SBNO2: variants seen among roughly 807,000 people sequenced by gnomAD.
SBNO2 encodes the protein protein strawberry notch homolog 2.
A neutral mutation model predicts 146.3 loss-of-function variants in SBNO2; 89 were observed. The observed-to-expected ratio is 0.61, with a 90% CI of 0.51 to 0.73. The LOEUF is 0.73. SBNO2 is among the 30% of genes least tolerant of loss of function. SBNO2 has a pLI of 0.00. For missense variants in SBNO2, 2,092 were observed against 2,003.7 expected, an observed-to-expected ratio of 1.04 and a Z score of -0.84; for synonymous variants, 1,147 against 892.6, an observed-to-expected ratio of 1.29 and a Z score of -5.08.
Position 1,109,280 on chromosome 19 carries a change from G to A in SBNO2, c.3348+12C>T, listed in dbSNP as rs766732664. On this transcript the variant is annotated intron_variant, in intron 29 of 31. Transcript: ENST00000361757. The surrounding 1 kb of genome is among the most constrained non-coding windows in gnomAD (Gnocchi z 4.2). Reference sequence around the variant, plus strand: ...GCAACCCGAGCGAAAGCTGCGCCCGGCGGCCGCCTACCCGGTGGAACTTGC... The same window carrying A: ...GCAACCCGAGCGAAAGCTGCGCCCGACGGCCGCCTACCCGGTGGAACTTGC... 2 of 1,586,278 alleles carry A rather than the reference G, an allele frequency of 1.3e-6. No homozygotes were observed. Among genetic ancestry groups the A allele is most frequent in the South Asian group, 1.1e-5 (1 of 87,660 alleles).
At chr19:1,151,917 C>CA (rs1163224192) in intron 2 of SBNO2, among the ~76,000 whole-genome samples, 1 of 152,210 alleles carries the variant, frequency 6.6e-6, no homozygotes. Flanking sequence ...CCCACCTCGG[C>CA]CTCCCAGAGT....
rs1298598457 is a variant in SBNO2, at chr19:1,113,622, G to C, written c.2160C>G (p.Asp720Glu). 6.3e-7 allele frequency: 1 copy of C among 1,599,168 alleles called. No individual in the cohort carries two copies. Among genetic ancestry groups the C allele is most frequent in the Admixed American group, 1.7e-5 (1 of 57,702 alleles). Residue 720 changes from aspartate (D) to glutamate (E), a missense_variant, in exon 19 of 32, where the codon GAC (aspartate) becomes GAG (glutamate). Asp to Glu is a conservative substitution (Grantham distance 45). Coordinates refer to ENST00000361757, the MANE Select transcript of SBNO2 (RefSeq NM_014963.3). ...GTTCCCGGCCCAGCCGCCGCACTTT[G>C]TCCAGCAGATCCTGCTTCAGCCGCT... ...RVERLKQDLL[D>E]KVRRLGRELP...
At position 1,136,565 on chromosome 19, in the gene SBNO2, A is replaced by T. The variant is rs1159531977; in HGVS notation, c.280-8800T>A. Among the ~76,000 whole-genome samples the T allele has an allele frequency of 1.3e-5, 2 of 152,198 alleles. No homozygotes were observed. Among genetic ancestry groups the T allele is most frequent in the Non-Finnish European group, 2.9e-5 (2 of 68,030 alleles). The stretch of plus-strand genomic sequence containing the variant: ...GGCCTCAGCACAGACCAGGGGACAG[A>T]AGGTGGCTCTTCTTGGCCTTGGCTG... On this transcript the variant is annotated intron_variant, in intron 4 of 31. Transcript: ENST00000361757. This position sits in a 1 kb window ranked among gnomAD's most constrained non-coding sequence, Gnocchi z 4.2.
At chr19:1,153,237 A>C (rs527998341) in intron 2 of SBNO2, among the ~76,000 whole-genome samples, 1 of 150,038 alleles carries the variant, frequency 6.7e-6, no homozygotes, top group East Asian at 2.1e-4. Flanking sequence ...TTAATTTAAA[A>C]ATTTTTTTTT....
intron 4 of SBNO2, among the ~76,000 whole-genome samples, chr19:1,134,665 A>G (rs1482614742): frequency 6.6e-6 from 1 of 152,172 alleles, no homozygotes; most frequent in Admixed American, 6.6e-5. Flanking sequence ...GTGACAGCTG[A>G]TGGGAACGGG....
rs2079841202 is a variant in SBNO2 at position 1,117,057 on chromosome 19, A to AC, written c.1705-132dup. 1.0e-5 allele frequency: 9 copies of AC among 891,636 alleles called. No individual in the cohort carries two copies. In the East Asian group the frequency reaches 2.4e-4, roughly 24 times the overall value. 55.2% of individuals were successfully genotyped at this position (891,636 alleles called of 1,614,324 possible). A position where few individuals can be genotyped will look rare whatever the true frequency, so the allele number is the denominator to read the frequency against. ...TGTGCTCGCCTCCCCAGGAGGGGCC[A>AC]CGGCCCCCCTACAACACACACTGCT... is the stretch of plus-strand genomic sequence containing the variant. On this transcript the variant is annotated intron_variant, in intron 15 of 31. Coordinates refer to ENST00000361757, the MANE Select transcript of SBNO2 (RefSeq NM_014963.3).
chr19:1,161,340 A>G (rs1470664685), intron 1 of SBNO2, among the ~76,000 whole-genome samples: 1 of 33,964 alleles, frequency 2.9e-5, no homozygotes, highest in Non-Finnish European at 5.3e-5. Flanking sequence ...GGGGTGCCTG[A>G]GTACTGGGTA....
Position 1,123,037 on chromosome 19 carries a change from C to T in SBNO2, c.637G>A (p.Gly213Arg), listed in dbSNP as rs868515455. The T allele has an allele frequency of 1.9e-6, 3 of 1,592,162 alleles. No homozygotes were observed. The highest frequency in any genetic ancestry group is 1.8e-5 in the Admixed American group (1 of 56,646). Residue 213 changes from glycine to arginine, a missense_variant, in exon 8 of 32, where the codon GGG becomes AGG. Coordinates refer to ENST00000361757, the MANE Select transcript of SBNO2 (RefSeq NM_014963.3). ...ACCACGCGGTCTGGGTGCTGCTTCC[C>T]GATCTTGGCTGGAGGAGCAAGGACG... Reference protein sequence around the residue: ...ADYVPSKSKIGKQHPDRVVET... With the variant: ...ADYVPSKSKIRKQHPDRVVET...
Position 1,110,801 on chromosome 19 carries a change from A to G in SBNO2, c.2972T>C (p.Phe991Ser). ...CTTGTCCATCTCGATGAGGTGGTCG[A>G]AGGTGTCTGAGAAGTACTGGAACAG... ...NALFQYFSDT[F>S]DHLIEMDKRE... The change falls in exon 26 of 32, where the codon TTC becomes TCC. Residue 991 changes from phenylalanine to serine, a missense_variant. Phe to Ser is a radical substitution (Grantham distance 155, BLOSUM62 -2). Transcript: ENST00000361757. This position sits in a 1 kb window ranked among gnomAD's most constrained non-coding sequence, Gnocchi z 4.9. 1 of 1,613,536 alleles carries G rather than the reference A, an allele frequency of 6.2e-7. No individual in the cohort carries two copies. The highest frequency in any genetic ancestry group is 8.5e-7 in the Non-Finnish European group (1 of 1,179,720).
At chr19:1,119,275 C>A in intron 13 of SBNO2, 111 bp from the exon 14 acceptor site, 3 of 1,324,410 alleles carry the variant, frequency 2.3e-6, no homozygotes, top group South Asian at 1.4e-5. Context: ...AGGAGCAGAG[C>A]CCTGGCGGCC....
At chr19:1,134,618 G>A (rs530402089) in intron 4 of SBNO2, among the ~76,000 whole-genome samples, 2 of 152,220 alleles carry the variant, frequency 1.3e-5, no homozygotes, top group South Asian at 4.1e-4. Context: ...GACAGGAAAA[G>A]CATTCAGGTT....
Position 1,108,675 on chromosome 19 carries a change from G to T in SBNO2, c.3646C>A (p.Arg1216=). ...ATCAGCCGCAGCTCCTGCAGCACCC[G>T]GCGCACGCAGCCCTCGGGGATCTTG... ...GIKIPEGCVR[R]VLQELRLMDA... Residue 1216 remains arginine (R), a synonymous_variant, in exon 32 of 32, where the codon CGG becomes AGG. Coordinates refer to ENST00000361757, the MANE Select transcript of SBNO2 (RefSeq NM_014963.3). 6.5e-7 allele frequency: 1 copy of T among 1,531,716 alleles called. No individual in the cohort carries two copies. The highest frequency in any genetic ancestry group is 8.7e-7 in the Non-Finnish European group (1 of 1,147,416). 94.9% of individuals were successfully genotyped at this position (1,531,716 alleles called of 1,614,324 possible).
intron 10 of SBNO2, 36 bp from the exon 11 acceptor site, chr19:1,122,318 C>T (rs373984063): frequency 2.1e-4 from 326 of 1,532,638 alleles, no homozygotes; most frequent in Non-Finnish European, 2.7e-4. Flanking sequence ...AATGGGGCCC[C>T]GGCTCAGCAG....
intron 1 of SBNO2, among the ~76,000 whole-genome samples, chr19:1,164,426 G>GAAC (rs2080383255): frequency 6.9e-6 from 1 of 145,648 alleles, no homozygotes; most frequent in East Asian, 2.3e-4. Flanking sequence ...GGAACAGGAG[G>GAAC]AGGAGGAGGA....
At chr19:1,148,470 C>A (rs998703554) in intron 3 of SBNO2, among the ~76,000 whole-genome samples, 4 of 147,822 alleles carry the variant, frequency 2.7e-5, no homozygotes, top group African/African-American at 5.0e-5. Flanking sequence ...AAGTGCCCTT[C>A]CCACCCTCCT....
At position 1,160,949 on chromosome 19, in the gene SBNO2, C is replaced by T. The variant is rs563044763; in HGVS notation, c.-126-6547G>A. The stretch of plus-strand genomic sequence containing the variant: ...GGGCATTTGCTCTGGACGGCCCCTC[C>T]CAGGGTGGGCAGGGCCCGAGGACGG... On this transcript the variant is annotated intron_variant, in intron 1 of 31. Coordinates refer to ENST00000361757, the MANE Select transcript of SBNO2 (RefSeq NM_014963.3). 1.3e-3 allele frequency among the ~76,000 whole-genome samples: 192 copies of T among 150,842 alleles called. 1 individual carries two copies. The highest frequency in any genetic ancestry group is 4.5e-3 in the African/African-American group (184 of 41,010).
intron 4 of SBNO2, chr19:1,132,269 C>T (rs1424356288): frequency 2.3e-6 from 3 of 1,315,686 alleles, no homozygotes; most frequent in Non-Finnish European, 1.9e-6. Flanking sequence ...GCTGCATTTG[C>T]ATGTCGGTTT....
At chr19:1,129,332 G>A (rs1337725211) in intron 4 of SBNO2, among the ~76,000 whole-genome samples, 2 of 152,080 alleles carry the variant, frequency 1.3e-5, no homozygotes, top group Non-Finnish European at 2.9e-5. Flanking sequence ...TGGAAGCTGT[G>A]GGTTCCGTCC....
chr19:1,138,746 A>G (rs1397654701), intron 4 of SBNO2, among the ~76,000 whole-genome samples: 16 of 143,126 alleles, frequency 1.1e-4, no homozygotes, highest in South Asian at 1.1e-3. Context: ...CATCACAGAC[A>G]GACACAGTTG....
Sources: gnomAD v4.1 joint callset for allele counts (sites outside exome capture counted in the v4.1 genomes callset) on GRCh38, gnomAD v4.1.1 for gene constraint, Gnocchi (gnomAD v3.1) non-coding constraint, MANE v1.5 for transcripts, NCBI Gene and HGNC (gene_info 2026-07-23, HGNC 2026-07-21) for gene names.